The following MARK1 variants were observed in gnomAD, a reference collection of about 807,000 sequenced individuals.
The protein encoded by MARK1 is microtubule affinity regulating kinase 1.
Under a neutral mutation model 96.3 loss-of-function variants are expected in MARK1, and 40 were observed. That is an observed-to-expected ratio of 0.42 (90% CI 0.32 to 0.54). MARK1 has a LOEUF of 0.54. Among genes scored for constraint, MARK1 ranks in the 20% least tolerant of loss-of-function variants. MARK1 has a pLI of 0.16. For missense variants in MARK1, 719 were observed against 984.6 expected (o/e 0.73, Z 3.61); for synonymous variants, 317 against 341.2 (o/e 0.93, Z 0.78).
intron 9 of MARK1, among the ~76,000 whole-genome samples, chr1:220,628,634 C>T (rs1009721447): frequency 2.0e-5 from 3 of 152,132 alleles, no homozygotes; most frequent in African/African-American, 2.4e-5. Flanking sequence ...AGGCTGTAAT[C>T]TGAGCCCTCT....
intron 16 of MARK1, 123 bp from the exon 17 acceptor site, chr1:220,657,667 A>T: frequency 1.6e-6 from 1 of 606,488 alleles, no homozygotes; most frequent in East Asian, 3.2e-5. Flanking sequence ...ACTGACTAGT[A>T]ATAGAAAACT....
At chr1:220,589,316 T>C (rs1453528033) in intron 3 of MARK1, among the ~76,000 whole-genome samples, 1 of 152,146 alleles carries the variant, frequency 6.6e-6, no homozygotes, top group Admixed American at 6.6e-5. Context: ...TGACAGACTT[T>C]TTCATCATCA....
rs112031336 is a variant in MARK1 at position 220,581,094 on chromosome 1, G to A, written c.285G>A (p.Gln95=). Residue 95 remains glutamine (Q), a synonymous_variant, in exon 3 of 18, where the codon CAG becomes CAA. Coordinates refer to ENST00000366917, the MANE Select transcript of MARK1 (RefSeq NM_018650.5). ...EVAVKIIDKT[Q]LNPTSLQKLF... ...CTGTGAAAATAATAGACAAAACTCA[G>A]CTAAATCCTACCAGTCTACAAAAGG... 2.8e-5 allele frequency: 36 copies of A among 1,284,540 alleles called. No individual in the cohort carries two copies. The African/African-American group carries it at 3.8e-4, about 13-fold the overall frequency. The allele number at this position is 1,284,540 out of a possible 1,614,324, so 79.6% of individuals were successfully genotyped here.
chr1:220,624,413 G>A (rs1667207139), intron 9 of MARK1, among the ~76,000 whole-genome samples: 1 of 151,008 alleles, frequency 6.6e-6, no homozygotes, highest in African/African-American at 2.4e-5. Flanking sequence ...CAGCCTGACC[G>A]ACATGGAGAA....
At chr1:220,594,967 ATAG>A (rs1558284981) in intron 3 of MARK1, among the ~76,000 whole-genome samples, 1 of 152,182 alleles carries the variant, frequency 6.6e-6, no homozygotes, top group Non-Finnish European at 1.5e-5. Flanking sequence ...CATAGAATGT[ATAG>A]TAGTAGCAAG....
At chr1:220,575,288 A>G (rs1319187067) in intron 1 of MARK1, among the ~76,000 whole-genome samples, 1 of 152,244 alleles carries the variant, frequency 6.6e-6, no homozygotes, top group Non-Finnish European at 1.5e-5. Flanking sequence ...AGAAAGAATG[A>G]CAGGATTGGA....
chr1:220,547,956 A>G (rs562097935), intron 1 of MARK1, among the ~76,000 whole-genome samples: 1 of 152,378 alleles, frequency 6.6e-6, no homozygotes, highest in East Asian at 1.9e-4. Flanking sequence ...TGTATCAAGC[A>G]AACAGTGATA....
At chr1:220,614,205 A>G (rs569759301) in intron 6 of MARK1, among the ~76,000 whole-genome samples, 1 of 152,126 alleles carries the variant, frequency 6.6e-6, no homozygotes, top group African/African-American at 2.4e-5. Context: ...ACGGGGTCTC[A>G]CTGTGTTGCC....
chr1:220,580,529 C>G (rs749845134), intron 2 of MARK1, among the ~76,000 whole-genome samples: 1 of 152,044 alleles, frequency 6.6e-6, no homozygotes, highest in African/African-American at 2.4e-5. Flanking sequence ...TCACTTTGCT[C>G]TATGTATAAT....
At chr1:220,612,240 AATTAGAGAAGTTGG>A in intron 6 of MARK1, among the ~76,000 whole-genome samples, 1 of 152,252 alleles carries the variant, frequency 6.6e-6, no homozygotes, top group Non-Finnish European at 1.5e-5. Flanking sequence ...TACTATATGG[AATTAGAGAAGTTGG>A]AAATGCCTGC....
chr1:220,634,060 G>A (rs1401817697), intron 11 of MARK1, among the ~76,000 whole-genome samples: 1 of 152,142 alleles, frequency 6.6e-6, no homozygotes, highest in Non-Finnish European at 1.5e-5. Flanking sequence ...CTATTATAAT[G>A]GAAGAGAATC....
chr1:220,641,528 T>A (rs564280562), intron 13 of MARK1, among the ~76,000 whole-genome samples: 1 of 152,222 alleles, frequency 6.6e-6, no homozygotes, highest in East Asian at 1.9e-4. Context: ...AGCCAGTTTA[T>A]GATATTTTTT....
At position 220,653,325 on chromosome 1, in the gene MARK1, G is replaced by C; in HGVS notation, c.1961G>C (p.Ser654Thr). ...AGGGGAACGTCAACTGGTATAATAA[G>C]CAAAATCACATCCAAATTTGTTCGC... ...ARRGTSTGII[S>T]KITSKFVRRD... Residue 654 changes from serine to threonine, a missense_variant, in exon 16 of 18, where the codon AGC becomes ACC. Around this residue, in one of 4 missense-constraint regions of MARK1, gnomAD observed 501 missense variants for 588.3 expected, o/e 0.85. Coordinates refer to ENST00000366917, the MANE Select transcript of MARK1 (RefSeq NM_018650.5). 1 of 1,614,182 alleles carries C rather than the reference G, an allele frequency of 6.2e-7. No homozygotes were observed. Among genetic ancestry groups the C allele is most frequent in the South Asian group, 1.1e-5 (1 of 91,086 alleles).
At chr1:220,650,588 A>T (rs186817840) in intron 13 of MARK1, 32 bp from the exon 14 acceptor site, 2 of 1,395,422 alleles carry the variant, frequency 1.4e-6, no homozygotes, top group African/African-American at 1.4e-5. Context: ...TATATTTATA[A>T]TTTTTTAATT....
intron 1 of MARK1, among the ~76,000 whole-genome samples, chr1:220,544,858 G>A (rs1056331439): frequency 4.6e-5 from 7 of 152,186 alleles, no homozygotes; most frequent in South Asian, 2.1e-4. Context: ...TGAAAAGAGG[G>A]TTTGCTTTTA....
chr1:220,632,349 T>G, intron 11 of MARK1, 36 bp downstream of exon 11: 1 of 937,128 alleles, frequency 1.1e-6, no homozygotes, highest in Non-Finnish European at 1.6e-6. Flanking sequence ...CTGTGAATTA[T>G]TTCTTGAGCT....
chr1:220,619,697 T>C (rs1279831505), intron 9 of MARK1, among the ~76,000 whole-genome samples: 1 of 152,198 alleles, frequency 6.6e-6, no homozygotes, highest in Non-Finnish European at 1.5e-5. Context: ...CCAAAATGTC[T>C]ACTATTTTTT....
intron 1 of MARK1, among the ~76,000 whole-genome samples, chr1:220,530,842 A>G (rs1197098176): frequency 6.6e-6 from 1 of 152,168 alleles, no homozygotes; most frequent in Non-Finnish European, 1.5e-5. Flanking sequence ...TGATATCTCC[A>G]TTTAGCTTAC....
intron 13 of MARK1, among the ~76,000 whole-genome samples, chr1:220,646,603 A>G (rs772851064): frequency 3.9e-5 from 6 of 152,222 alleles, no homozygotes; most frequent in Non-Finnish European, 7.3e-5. Context: ...AGCCAAGATA[A>G]TCCTAAGCAA....
Sources: gnomAD v4.1 joint callset for allele counts (sites outside exome capture counted in the v4.1 genomes callset) on GRCh38, gnomAD v4.1.1 for gene constraint, gnomAD v4.1.1 regional missense constraint, MANE v1.5 for transcripts, NCBI Gene and HGNC (gene_info 2026-07-23, HGNC 2026-07-21) for gene names.